The following SDK1 variants were observed in gnomAD, a reference collection of about 807,000 sequenced individuals.
The protein encoded by SDK1 is protein sidekick-1.
Under a neutral mutation model 245.5 loss-of-function variants are expected in SDK1, and 157 were observed. The ratio of observed to expected loss-of-function variants is 0.64; its 90% CI spans 0.56 to 0.73. The LOEUF is 0.73. SDK1 is among the 30% of genes least tolerant of loss of function. SDK1 has a pLI of 0.00. For synonymous variants in SDK1, 1,647 were observed against 1,278.5 expected (o/e 1.29, Z -6.15); for missense variants, 3,583 against 3,002.3 (o/e 1.19, Z -4.52).
chr7:3,747,357 C>T (rs1779655432), intron 4 of SDK1, among the ~76,000 whole-genome samples: 1 of 152,168 alleles, frequency 6.6e-6, no homozygotes, highest in Non-Finnish European at 1.5e-5. Flanking sequence ...GGTGGAGTAA[C>T]ATGTTTGTGC....
intron 5 of SDK1, among the ~76,000 whole-genome samples, chr7:3,938,244 C>G (rs564133818): frequency 6.6e-6 from 1 of 152,190 alleles, no homozygotes; most frequent in Admixed American, 6.5e-5. Flanking sequence ...GAGACAAATA[C>G]CCTCTTACCC....
chr7:3,499,389 C>A (rs1283714681), intron 1 of SDK1, among the ~76,000 whole-genome samples: 1 of 151,974 alleles, frequency 6.6e-6, no homozygotes, highest in South Asian at 2.1e-4. Flanking sequence ...CAGATGTATG[C>A]CACATAAAGA....
At chr7:4,088,648 T>C (rs1229977006) in intron 22 of SDK1, among the ~76,000 whole-genome samples, 1 of 152,164 alleles carries the variant, frequency 6.6e-6, no homozygotes, top group Non-Finnish European at 1.5e-5. Flanking sequence ...TTTCATCTGT[T>C]GGTAAGGTGG....
intron 1 of SDK1, among the ~76,000 whole-genome samples, chr7:3,530,183 G>A (rs1783295273): frequency 6.6e-6 from 1 of 152,112 alleles, no homozygotes; most frequent in African/African-American, 2.4e-5. Context: ...ATAGCAGTGA[G>A]TTTATTTGCA....
At chr7:3,873,212 G>C (rs1444050088) in intron 5 of SDK1, among the ~76,000 whole-genome samples, 1 of 151,994 alleles carries the variant, frequency 6.6e-6, no homozygotes, top group African/African-American at 2.4e-5. Flanking sequence ...TTTTTACTGG[G>C]TGTAGAATCC....
intron 7 of SDK1, among the ~76,000 whole-genome samples, chr7:3,954,749 A>T (rs974579689): frequency 1.3e-5 from 2 of 150,038 alleles, no homozygotes; most frequent in African/African-American, 4.9e-5. Flanking sequence ...ATGGAGATGG[A>T]TGTAGATGGT....
chr7:4,220,907 C>T (rs1039999351), intron 39 of SDK1, among the ~76,000 whole-genome samples: 4 of 136,710 alleles, frequency 2.9e-5, no homozygotes, highest in Admixed American at 1.5e-4. Context: ...GCCTCACCCT[C>T]CTGAGTAGCT....
chr7:3,370,006 A>G (rs1249781860), intron 1 of SDK1, among the ~76,000 whole-genome samples: 2 of 152,182 alleles, frequency 1.3e-5, no homozygotes, highest in African/African-American at 2.4e-5. Flanking sequence ...TTCTAAAATC[A>G]ATACTGGTTT....
intron 1 of SDK1, among the ~76,000 whole-genome samples, chr7:3,542,813 G>C (rs1779095740): frequency 6.6e-6 from 1 of 152,126 alleles, no homozygotes; most frequent in Non-Finnish European, 1.5e-5. Flanking sequence ...CAAGTGTAGA[G>C]AGAGAAATTA....
intron 1 of SDK1, among the ~76,000 whole-genome samples, chr7:3,566,301 T>G (rs1485793067): frequency 6.7e-6 from 1 of 148,904 alleles, no homozygotes; most frequent in African/African-American, 2.5e-5. Flanking sequence ...CTTGGCTCAC[T>G]GCAAGCTCCC....
At chr7:4,168,488 G>A (rs1781635969) in intron 32 of SDK1, among the ~76,000 whole-genome samples, 1 of 152,194 alleles carries the variant, frequency 6.6e-6, no homozygotes, top group Non-Finnish European at 1.5e-5. Context: ...CAGAGGCTGG[G>A]AAACCACACT....
intron 4 of SDK1, among the ~76,000 whole-genome samples, chr7:3,763,998 C>T (rs905779431): frequency 2.6e-5 from 4 of 152,144 alleles, no homozygotes; most frequent in Admixed American, 1.3e-4. Flanking sequence ...AAGGAAACCA[C>T]AATTTTGAAA....
intron 1 of SDK1, among the ~76,000 whole-genome samples, chr7:3,526,392 C>G (rs890253623): frequency 1.6e-4 from 25 of 152,004 alleles, no homozygotes; most frequent in African/African-American, 6.0e-4. Flanking sequence ...GAAGTCAGTT[C>G]TTTGTCTATG....
At chr7:3,888,168 G>A (rs1253486077) in intron 5 of SDK1, among the ~76,000 whole-genome samples, 2 of 152,182 alleles carry the variant, frequency 1.3e-5, no homozygotes, top group East Asian at 1.9e-4. Context: ...CTTCTGCCTG[G>A]CTGGCACAGA....
At chr7:3,511,197 G>A (rs751429919) in intron 1 of SDK1, among the ~76,000 whole-genome samples, 1 of 152,158 alleles carries the variant, frequency 6.6e-6, no homozygotes, top group Non-Finnish European at 1.5e-5. Context: ...GTTAATAGGT[G>A]ATTTAGAATT....
intron 19 of SDK1, among the ~76,000 whole-genome samples, chr7:4,053,931 GTTTT>G (rs572690361): frequency 2.0e-5 from 3 of 151,490 alleles, no homozygotes; most frequent in Non-Finnish European, 4.4e-5. Context: ...GGTGGTGGTG[GTTTT>G]TTTTGTTGTT....
chr7:3,732,263 A>C (rs554280122), intron 4 of SDK1, among the ~76,000 whole-genome samples: 3 of 152,290 alleles, frequency 2.0e-5, no homozygotes, highest in Admixed American at 6.5e-5. Flanking sequence ...CTGATTTTCA[A>C]ATTGTTGTGA....
chr7:3,726,974 CTG>C (rs1459758025), intron 4 of SDK1, among the ~76,000 whole-genome samples: 1 of 152,230 alleles, frequency 6.6e-6, no homozygotes, highest in Non-Finnish European at 1.5e-5. Context: ...ACTAATCAAA[CTG>C]TAATTGCCTG....
At chr7:3,518,463 A>G (rs901728706) in intron 1 of SDK1, among the ~76,000 whole-genome samples, 11 of 151,416 alleles carry the variant, frequency 7.3e-5, no homozygotes, top group African/African-American at 2.4e-4. Flanking sequence ...TCCAGAATGT[A>G]CTAGGAACTT....
Sources: gnomAD v4.1 joint callset for allele counts (sites outside exome capture counted in the v4.1 genomes callset) on GRCh38, gnomAD v4.1.1 for gene constraint, MANE v1.5 for transcripts, NCBI Gene and HGNC (gene_info 2026-07-23, HGNC 2026-07-21) for gene names.